Variants in NRXN3 observed in about 807,000 individuals in gnomAD.
NRXN3 encodes the protein neurexin III.
In NRXN3, 32 loss-of-function variants were observed where a neutral mutation model predicts 137.6. The ratio of observed to expected loss-of-function variants is 0.23; its 90% confidence interval spans 0.18 to 0.31. The LOEUF (loss-of-function observed/expected upper bound fraction) is 0.31. NRXN3 is among the 10% of genes least tolerant of loss of function. NRXN3 has a pLI of 1.00. For missense variants in NRXN3, 1,574 were observed against 2,062.5 expected (o/e 0.76, Z 4.59); for synonymous variants, 798 against 784.5 (o/e 1.02, Z -0.29).
intron 16 of NRXN3, among the ~76,000 whole-genome samples, chr14:79,587,566 G>A (rs949405847): frequency 1.3e-5 from 2 of 152,226 alleles, no homozygotes; most frequent in African/African-American, 4.8e-5. Context: ...TTCAACTGGT[G>A]TGTATAGATT....
Position 78,234,994 on chromosome 14 carries a change from T to TTATATATATATATATA in NRXN3, c.-703-7383_-703-7368dup, listed in dbSNP as rs57469863. On this transcript the variant is annotated intron_variant, in intron 1 of 20. Coordinates refer to ENST00000335750, the MANE Select transcript of NRXN3 (RefSeq NM_001330195.2). ...GATTATCTGGCAGCCACAAATGCTT[T>TTATATATATATATATA]TATATATATATATATATATATATAT... Among the ~76,000 whole-genome samples the TTATATATATATATATA allele has an allele frequency of 2.2e-3, 241 of 108,716 alleles. 2 individuals are homozygous for TTATATATATATATATA. Among genetic ancestry groups the TTATATATATATATATA allele is most frequent in the African/African-American group, 7.4e-3 (224 of 30,418 alleles). The allele number at this position is 108,716 out of a possible 152,430, so 71.3% of individuals were successfully genotyped here.
At chr14:78,308,977 G>C (rs1174371824) in intron 4 of NRXN3, among the ~76,000 whole-genome samples, 1 of 152,052 alleles carries the variant, frequency 6.6e-6, no homozygotes, top group African/African-American at 2.4e-5. Context: ...GAGTTTTGTG[G>C]TCCAGTATTT....
At chr14:79,385,947 C>T (rs1327746764) in intron 15 of NRXN3, among the ~76,000 whole-genome samples, 2 of 152,032 alleles carry the variant, frequency 1.3e-5, no homozygotes, top group Non-Finnish European at 1.5e-5. Flanking sequence ...ATTGATGGGA[C>T]GTACCTCAAA....
At chr14:79,039,953 C>T (rs142348661) in intron 15 of NRXN3, among the ~76,000 whole-genome samples, 22 of 152,278 alleles carry the variant, frequency 1.4e-4, no homozygotes, top group Non-Finnish European at 3.1e-4. Context: ...ATCTTCCTGC[C>T]TCAGCCTCCC....
intron 16 of NRXN3, among the ~76,000 whole-genome samples, chr14:79,527,957 A>G (rs1322541807): frequency 6.6e-6 from 1 of 151,902 alleles, no homozygotes; most frequent in African/African-American, 2.4e-5. Context: ...TATCATTGGC[A>G]GCAACCCAGG....
chr14:79,013,101 T>C (rs1054148914), intron 15 of NRXN3, among the ~76,000 whole-genome samples: 1 of 152,170 alleles, frequency 6.6e-6, no homozygotes, highest in African/African-American at 2.4e-5. Flanking sequence ...TATGGGACTT[T>C]TCAGCTTTGC....
chr14:79,831,437 A>G (rs1189863623), intron 20 of NRXN3, among the ~76,000 whole-genome samples: 2 of 152,198 alleles, frequency 1.3e-5, no homozygotes, highest in Non-Finnish European at 2.9e-5. Flanking sequence ...ACGATTGCCC[A>G]TGCATCTGGT....
chr14:78,693,483 A>G (rs961186900), intron 6 of NRXN3, among the ~76,000 whole-genome samples: 4 of 151,846 alleles, frequency 2.6e-5, no homozygotes, highest in African/African-American at 9.7e-5. Flanking sequence ...ACTTAAGACT[A>G]TGATTTGGTA....
intron 15 of NRXN3, among the ~76,000 whole-genome samples, chr14:79,027,861 C>G (rs867469273): frequency 2.0e-5 from 3 of 152,166 alleles, no homozygotes; most frequent in Admixed American, 6.6e-5. Flanking sequence ...CCTCTTCCCC[C>G]ACAAAATGTG....
In NRXN3 at chr14:79,425,721, A is replaced by T. The variant is rs149027876; in HGVS notation, c.3263-41500A>T. On this transcript the variant is annotated intron_variant, in intron 15 of 20. Coordinates refer to ENST00000335750, the MANE Select transcript of NRXN3 (RefSeq NM_001330195.2). ...CAATCCAGTTCTAATATTAAAACAA[A>T]AGGCTTTGAGACCATATGACCCAAG... 4.7e-3 allele frequency among the ~76,000 whole-genome samples: 716 copies of T among 152,290 alleles called. 3 individuals are homozygous for T. Among genetic ancestry groups the T allele is most frequent in the Non-Finnish European group, 6.2e-3 (422 of 68,028 alleles).
intron 15 of NRXN3, among the ~76,000 whole-genome samples, chr14:79,369,847 G>A (rs143227911): frequency 3.9e-5 from 6 of 152,176 alleles, no homozygotes; most frequent in Non-Finnish European, 8.8e-5. Context: ...GGCTGATAAT[G>A]TACGCCAGGA....
At chr14:79,728,814 G>A (rs982796177) in intron 19 of NRXN3, among the ~76,000 whole-genome samples, 4 of 152,200 alleles carry the variant, frequency 2.6e-5, no homozygotes, top group African/African-American at 9.6e-5. Context: ...TGTCTCCTGA[G>A]AAATTAGCAC....
intron 19 of NRXN3, among the ~76,000 whole-genome samples, chr14:79,723,697 T>C (rs2098859209): frequency 6.6e-6 from 1 of 152,176 alleles, no homozygotes; most frequent in African/African-American, 2.4e-5. Context: ...TGCAGCTGTG[T>C]GATAAATTGC....
At chr14:79,694,208 C>T (rs1470649245) in intron 18 of NRXN3, among the ~76,000 whole-genome samples, 2 of 151,860 alleles carry the variant, frequency 1.3e-5, no homozygotes, top group African/African-American at 4.8e-5. Context: ...TTAGACAATC[C>T]ACTTAACCTC....
chr14:78,996,200 C>T lies in NRXN3; in HGVS notation c.3262+8059C>T, dbSNP rs55822177. Among the ~76,000 whole-genome samples the T allele has an allele frequency of 7.8e-3, 1,186 of 152,134 alleles. 18 individuals are homozygous for T. Among genetic ancestry groups the T allele is most frequent in the African/African-American group, 0.027 (1,116 of 41,480 alleles). ...TGAATACCTCTTTCATACACAATTACGTTTTTTAACCGCTTAACAGTGTGC... is the reference window on the plus strand; with the variant it reads ...TGAATACCTCTTTCATACACAATTATGTTTTTTAACCGCTTAACAGTGTGC... On this transcript the variant is annotated intron_variant, in intron 15 of 20. Coordinates refer to ENST00000335750, the MANE Select transcript of NRXN3 (RefSeq NM_001330195.2).
chr14:79,316,878 G>A (rs924390150), intron 15 of NRXN3, among the ~76,000 whole-genome samples: 3 of 152,076 alleles, frequency 2.0e-5, no homozygotes, highest in African/African-American at 7.2e-5. Flanking sequence ...CAAACTGAGA[G>A]GCTTACAACA....
chr14:79,348,935 T>G (rs1248518487), intron 15 of NRXN3, among the ~76,000 whole-genome samples: 1 of 152,222 alleles, frequency 6.6e-6, no homozygotes, highest in Non-Finnish European at 1.5e-5. Flanking sequence ...TATAACTCCC[T>G]TGATGGAGTT....
At chr14:79,105,532 A>G (rs2052256240) in intron 15 of NRXN3, among the ~76,000 whole-genome samples, 1 of 152,104 alleles carries the variant, frequency 6.6e-6, no homozygotes, top group Admixed American at 6.6e-5. Flanking sequence ...GTTTTACCCA[A>G]TGGGTAAAGT....
chr14:78,778,451 A>G (rs551701866), intron 8 of NRXN3, among the ~76,000 whole-genome samples: 2 of 152,358 alleles, frequency 1.3e-5, no homozygotes, highest in African/African-American at 2.4e-5. Context: ...GGTCAGATGC[A>G]CAAATTATCT....
Sources: gnomAD v4.1 joint callset for allele counts (sites outside exome capture counted in the v4.1 genomes callset) on GRCh38, gnomAD v4.1.1 for gene constraint, MANE v1.5 for transcripts, NCBI Gene and HGNC (gene_info 2026-07-23, HGNC 2026-07-21) for gene names.